The following CCDC187 variants were observed in gnomAD, a reference collection of about 807,000 sequenced individuals.
The protein encoded by CCDC187 is coiled-coil domain containing 187, also known as coiled-coil domain-containing protein 187.
A neutral mutation model predicts 38.0 loss-of-function variants in CCDC187; 32 were observed. That is an observed-to-expected ratio of 0.84 (90% CI 0.64 to 1.13). The LOEUF (loss-of-function observed/expected upper bound fraction) is 1.13, where lower values mean the gene tolerates loss of function less well. Among genes scored for constraint, CCDC187 ranks in the 50% most tolerant of loss-of-function variants. The probability of loss-of-function intolerance (pLI) is 0.00; values close to 1 mark genes in which losing one functional copy is unlikely to be tolerated. For synonymous variants in CCDC187, 333 were observed against 347.9 expected, an observed-to-expected ratio of 0.96 and a Z score of 0.48; for missense variants, 707 against 786.8, an observed-to-expected ratio of 0.90 and a Z score of 1.21.
chr9:136,254,652 CT>C lies in CCDC187; in HGVS notation c.5175del (p.Glu1726LysfsTer96). 1.0e-6 allele frequency: 1 copy of C among 985,578 alleles called. No homozygotes were observed. The highest frequency in any genetic ancestry group is 1.2e-6 in the Non-Finnish European group (1 of 830,022). The allele number at this position is 985,578 out of a possible 1,614,324, so 61.1% of individuals were successfully genotyped here. On this transcript the variant is annotated frameshift_variant, in exon 26 of 26. Transcript: ENST00000638797. LOFTEE classifies it low-confidence loss of function (END_TRUNC). ...GGGCTTTGCTCCGGCGCTGAAACTT[CT>C]GCCATGGCCGTGTCCAAGGAGGAGC... Reference protein sequence around the residue: ...LRGSSLDTAMAEVSAPEQSPK... With the variant: ...LRGSSLDTAMXEVSAPEQSPK...
chr9:136,302,317 C>A (rs1361862055), intron 2 of CCDC187, among the ~76,000 whole-genome samples: 1 of 152,132 alleles, frequency 6.6e-6, no homozygotes, highest in East Asian at 1.9e-4. Context: ...AGAGGGAAGC[C>A]GTTTCCAAAC....
chr9:136,265,920 G>A (rs1229782468), intron 17 of CCDC187, 36 bp downstream of exon 17: 3 of 959,540 alleles, frequency 3.1e-6, no homozygotes, highest in African/African-American at 1.8e-5. Flanking sequence ...TCTGTGAGCC[G>A]CCCACCCTGA....
chr9:136,298,652 G>A (rs2131352917), intron 3 of CCDC187, among the ~76,000 whole-genome samples: 1 of 152,362 alleles, frequency 6.6e-6, no homozygotes, highest in South Asian at 2.1e-4. Context: ...TGGTTTTCCA[G>A]GCCCCAACTC....
At position 136,253,728 on chromosome 9, in the gene CCDC187, C is replaced by T. The variant is rs1588647482; in HGVS notation, c.6100G>A (p.Ala2034Thr). Residue 2034 changes from alanine (A) to threonine (T), a missense_variant, in exon 26 of 26, where the codon GCC (alanine) becomes ACC (threonine). Physicochemically the swap from Ala to Thr is moderately conservative, Grantham distance 58. Coordinates refer to ENST00000638797, the MANE Select transcript of CCDC187 (RefSeq NM_001378188.1). ...GGCCCCGAGGGCGGGGAAGGGAAGG[C>T]ATCCGAGCATGGGTTGGTGTCTTCA... is the stretch of plus-strand genomic sequence containing the variant. ...DGEDTNPCSD[A>T]FPSPPSGPLE... is the part of the protein sequence containing the mutation. 1.0e-6 allele frequency: 1 copy of T among 985,556 alleles called. No individual in the cohort carries two copies. The allele number at this position is 985,556 out of a possible 1,614,324, so 61.1% of individuals were successfully genotyped here.
chr9:136,284,406 C>T (rs1831122304), intron 9 of CCDC187, among the ~76,000 whole-genome samples: 2 of 152,178 alleles, frequency 1.3e-5, no homozygotes, highest in Non-Finnish European at 2.9e-5. Flanking sequence ...CCCGAGAGAC[C>T]GCCGCCGGCC....
chr9:136,293,437 ACACACT>A (rs1371928853), intron 4 of CCDC187, among the ~76,000 whole-genome samples: 551 of 40,784 alleles, frequency 0.014, 24 homozygotes, highest in East Asian at 0.027. Flanking sequence ...TCACATGCTC[ACACACT>A]CACACATGCT....
chr9:136,298,771 A>C (rs1831599320), intron 3 of CCDC187, among the ~76,000 whole-genome samples: 1 of 152,144 alleles, frequency 6.6e-6, no homozygotes. Flanking sequence ...AGGAAGTAGG[A>C]AGGTAGGTGC....
At chr9:136,299,309 C>T (rs1036073271) in intron 3 of CCDC187, among the ~76,000 whole-genome samples, 30 of 152,286 alleles carry the variant, frequency 2.0e-4, no homozygotes, top group Non-Finnish European at 3.5e-4. Flanking sequence ...ACCCAAATGC[C>T]TGCCTGTGGC....
At chr9:136,285,161 G>A (rs1053041232) in intron 9 of CCDC187, among the ~76,000 whole-genome samples, 4 of 152,070 alleles carry the variant, frequency 2.6e-5, no homozygotes, top group African/African-American at 7.2e-5. Context: ...TGGGGTCGCC[G>A]GGCCCGGATG....
At position 136,300,205 on chromosome 9, in the gene CCDC187, C is replaced by T. The variant is rs920659200; in HGVS notation, c.724+15G>A. 20 of 398,668 alleles carry T rather than the reference C, an allele frequency of 5.0e-5. No homozygotes were observed. The Middle Eastern group carries it at 2.5e-3, about 50-fold the overall frequency. The allele number at this position is 398,668 out of a possible 1,614,324, so 24.7% of individuals were successfully genotyped here. A position where few individuals can be genotyped will look rare whatever the true frequency, so the allele number is the denominator to read the frequency against. ...CAACCCGGAGCACCAGGGCAGCCGC[C>T]GCAGAGCCGCTCACCAGGAACCTGG... On this transcript the variant is annotated intron_variant, in intron 3 of 25. Transcript: ENST00000638797.
At chr9:136,281,932 C>T (rs1475741839) in intron 9 of CCDC187, among the ~76,000 whole-genome samples, 1 of 152,112 alleles carries the variant, frequency 6.6e-6, no homozygotes, top group East Asian at 1.9e-4. Flanking sequence ...AGCGTGGTGG[C>T]GTGGGCTGAG....
intron 14 of CCDC187, among the ~76,000 whole-genome samples, chr9:136,270,642 C>G (rs1830825098): frequency 6.6e-6 from 1 of 152,190 alleles, no homozygotes; most frequent in African/African-American, 2.4e-5. Flanking sequence ...GGGGGCAAGC[C>G]TGGATAATAT....
intron 3 of CCDC187, among the ~76,000 whole-genome samples, chr9:136,299,768 A>G (rs954409551): frequency 3.3e-5 from 5 of 152,118 alleles, no homozygotes; most frequent in Admixed American, 6.5e-5. Context: ...GAGCCCGCCA[A>G]CGGTTCAGCG....
Position 136,251,168 on chromosome 9 carries a change from C to A in CCDC187, c.*2426G>T. ...TCCCTAAGGCCAACACGCTGCTCAT[C>A]AACTCCGCATTCAAGAAGAGACCCT... On this transcript the variant is annotated 3_prime_UTR_variant, in exon 26 of 26. Coordinates refer to ENST00000638797, the MANE Select transcript of CCDC187 (RefSeq NM_001378188.1). 2.6e-6 allele frequency: 1 copy of A among 382,296 alleles called. No individual in the cohort carries two copies. 23.7% of individuals were successfully genotyped at this position (382,296 alleles called of 1,614,324 possible). A position where few individuals can be genotyped will look rare whatever the true frequency, so the allele number is the denominator to read the frequency against.
intron 9 of CCDC187, among the ~76,000 whole-genome samples, chr9:136,282,770 G>A (rs913848603): frequency 6.6e-6 from 1 of 152,172 alleles, no homozygotes; most frequent in African/African-American, 2.4e-5. Flanking sequence ...CCCAACCCCC[G>A]CCCGCATTCC....
In CCDC187 at chr9:136,250,897, G is replaced by T. The variant is rs1554759261; in HGVS notation, c.*2697C>A. On this transcript the variant is annotated 3_prime_UTR_variant, in exon 26 of 26. Coordinates refer to ENST00000638797, the MANE Select transcript of CCDC187 (RefSeq NM_001378188.1). ...TCTGGAGAGGGGCTCTTGCCTCACG[G>T]CAGGGGGCCCAAAGAGGTTCTAAGG... 7 of 451,742 alleles carry T rather than the reference G, an allele frequency of 1.5e-5. No homozygotes were observed. Among genetic ancestry groups the T allele is most frequent in the Admixed American group, 7.1e-5 (3 of 42,408 alleles). The allele number at this position is 451,742 out of a possible 1,614,324, so 28.0% of individuals were successfully genotyped here. A position where few individuals can be genotyped will look rare whatever the true frequency, so the allele number is the denominator to read the frequency against.
chr9:136,299,383 G>T (rs1385711846), intron 3 of CCDC187, among the ~76,000 whole-genome samples: 2 of 152,276 alleles, frequency 1.3e-5, no homozygotes, highest in African/African-American at 2.4e-5. Context: ...GCACTGCACC[G>T]CTGGGATGGA....
At chr9:136,271,608 T>C (rs1830840968) in intron 14 of CCDC187, among the ~76,000 whole-genome samples, 2 of 115,922 alleles carry the variant, frequency 1.7e-5, no homozygotes, top group African/African-American at 5.4e-5. Flanking sequence ...GAGAAAGTCT[T>C]TTTTTTTTTT....
intron 7 of CCDC187, among the ~76,000 whole-genome samples, chr9:136,288,374 G>A (rs1831231054): frequency 6.6e-6 from 1 of 152,192 alleles, no homozygotes; most frequent in African/African-American, 2.4e-5. Flanking sequence ...GAGCTCCCAG[G>A]GGCCAGCCTG....
Sources: gnomAD v4.1 joint callset for allele counts (sites outside exome capture counted in the v4.1 genomes callset) on GRCh38, gnomAD v4.1.1 for gene constraint, MANE v1.5 for transcripts, NCBI Gene and HGNC (gene_info 2026-07-23, HGNC 2026-07-21) for gene names.